The following DAB1 variants were observed in gnomAD, a reference collection of about 807,000 sequenced individuals.
The protein encoded by DAB1 is DAB adaptor protein 1.
A neutral mutation model predicts 64.6 loss-of-function variants in DAB1; 15 were observed. The ratio of observed to expected loss-of-function variants is 0.23; its 90% CI spans 0.16 to 0.36. The LOEUF is 0.36. Ranked by LOEUF, DAB1 falls within the 10% of genes least tolerant of loss-of-function variation. The pLI is 1.00. For missense variants in DAB1, 596 were observed against 706.7 expected, an observed-to-expected ratio of 0.84 and a Z score of 1.78; for synonymous variants, 235 against 251.9, an observed-to-expected ratio of 0.93 and a Z score of 0.64.
chr1:57,870,294 A>G (rs1643918444), intron 1 of DAB1, among the ~76,000 whole-genome samples: 1 of 152,146 alleles, frequency 6.6e-6, no homozygotes, highest in African/African-American at 2.4e-5. Flanking sequence ...GTGCCAACAC[A>G]TCTTCAGCCT....
At chr1:57,067,303 G>A (rs1651011256) in intron 8 of DAB1, among the ~76,000 whole-genome samples, 1 of 152,080 alleles carries the variant, frequency 6.6e-6, no homozygotes, top group Non-Finnish European at 1.5e-5. Context: ...GTGAAACTCA[G>A]AATCAGGGGA....
intron 6 of DAB1, among the ~76,000 whole-genome samples, chr1:57,716,051 AG>A (rs1647080197): frequency 6.6e-6 from 1 of 152,162 alleles, no homozygotes; most frequent in Admixed American, 6.5e-5. Flanking sequence ...CTGGGATTAC[AG>A]GCACCTGCCA....
At chr1:58,022,244 C>A (rs976083350) in intron 5 of DAB1, among the ~76,000 whole-genome samples, 1 of 152,228 alleles carries the variant, frequency 6.6e-6, no homozygotes, top group Non-Finnish European at 1.5e-5. Context: ...GACCTCCAAG[C>A]TTCATGAGCT....
chr1:57,806,620 G>C (rs1487306404), intron 6 of DAB1, among the ~76,000 whole-genome samples: 1 of 152,142 alleles, frequency 6.6e-6, no homozygotes, highest in Admixed American at 6.5e-5. Context: ...CATTTCTGTT[G>C]TTTAAGCTGC....
At chr1:58,520,625 A>G (rs1312123328) in intron 2 of DAB1, among the ~76,000 whole-genome samples, 1 of 152,178 alleles carries the variant, frequency 6.6e-6, no homozygotes, top group Non-Finnish European at 1.5e-5. Context: ...CAGAATATTA[A>G]AGATTTACCA....
chr1:58,520,433 G>C (rs1646244340), intron 2 of DAB1, among the ~76,000 whole-genome samples: 1 of 151,902 alleles, frequency 6.6e-6, no homozygotes, highest in Non-Finnish European at 1.5e-5. Context: ...AATTCACAAA[G>C]GAATATAAAT....
chr1:57,839,844 C>G lies in DAB1; in HGVS notation n.88-13389G>C, dbSNP rs1042363506. 4.6e-5 allele frequency among the ~76,000 whole-genome samples: 7 copies of G among 152,184 alleles called. No homozygotes were observed. In the South Asian group the frequency reaches 1.5e-3, roughly 32 times the overall value. Reference sequence around the variant, plus strand: ...CATTTTACCAGGCAAGAGACAGCCACTGGGAAAAGTAAGATCCCAGCCTTT... The same window carrying G: ...CATTTTACCAGGCAAGAGACAGCCAGTGGGAAAAGTAAGATCCCAGCCTTT... On this transcript the variant is annotated intron_variant and non_coding_transcript_variant, in intron 1 of 1. Transcript: ENST00000477280.
At chr1:57,055,378 A>G (rs1228502075) in intron 9 of DAB1, among the ~76,000 whole-genome samples, 1 of 152,218 alleles carries the variant, frequency 6.6e-6, no homozygotes, top group Non-Finnish European at 1.5e-5. Context: ...AAAAGCATCC[A>G]AATGTGTTAT....
At chr1:58,146,733 C>A (rs1396041046) in intron 5 of DAB1, among the ~76,000 whole-genome samples, 10 of 151,698 alleles carry the variant, frequency 6.6e-5, no homozygotes, top group Non-Finnish European at 1.3e-4. Context: ...ACAGAATATT[C>A]TATTATAAAT....
intron 2 of DAB1, among the ~76,000 whole-genome samples, chr1:57,234,992 T>A (rs111883790): frequency 6.6e-6 from 1 of 152,236 alleles, no homozygotes; most frequent in Non-Finnish European, 1.5e-5. Context: ...TTGAAGGACC[T>A]ACGTGATTAG....
chr1:57,937,376 C>T (rs1422437553), intron 5 of DAB1, among the ~76,000 whole-genome samples: 1 of 151,972 alleles, frequency 6.6e-6, no homozygotes, highest in Non-Finnish European at 1.5e-5. Context: ...ACATTTTTTA[C>T]TAGACGATGA....
chr1:57,157,582 GA>G (rs1660353660), intron 2 of DAB1, among the ~76,000 whole-genome samples: 1 of 118,806 alleles, frequency 8.4e-6, no homozygotes, highest in Non-Finnish European at 1.8e-5. Context: ...GAGAGAGAGA[GA>G]GAGAGAGAGA....
In DAB1 at chr1:58,446,050, C is replaced by T. The variant is rs1002570780; in HGVS notation, n.257+60010G>A. On this transcript the variant is annotated intron_variant and non_coding_transcript_variant, in intron 3 of 20. Coordinates refer to the DAB1 transcript ENST00000485760. ...ACCCATCACAGGACATCCCCGGTCCCGGACAACCAGCATGGCTTCCCTGGT... is the reference window on the plus strand; with the variant it reads ...ACCCATCACAGGACATCCCCGGTCCTGGACAACCAGCATGGCTTCCCTGGT... Among the ~76,000 whole-genome samples the T allele has an allele frequency of 3.5e-4, 54 of 152,278 alleles. 1 individual carries two copies. Among genetic ancestry groups the T allele is most frequent in the Middle Eastern group, 3.4e-3 (1 of 294 alleles).
At chr1:58,371,332 C>T (rs1339817836) in intron 3 of DAB1, among the ~76,000 whole-genome samples, 1 of 152,160 alleles carries the variant, frequency 6.6e-6, no homozygotes, top group Non-Finnish European at 1.5e-5. Context: ...ATTAGGGTAT[C>T]TGGCAGACTG....
At chr1:58,387,424 A>G (rs1644441587) in intron 3 of DAB1, among the ~76,000 whole-genome samples, 1 of 152,292 alleles carries the variant, frequency 6.6e-6, no homozygotes, top group African/African-American at 2.4e-5. Flanking sequence ...GGGGTATAGG[A>G]GTGAGTGATT....
chr1:57,409,759 A>T lies in DAB1; in HGVS notation c.-137+14171T>A, dbSNP rs562676309. On this transcript the variant is annotated intron_variant, in intron 1 of 14. Coordinates refer to ENST00000371236, the MANE Select transcript of DAB1 (RefSeq NM_001365792.1). ...AGGAGGTAGAGGTTGCAGTGAGCTGAGATTGTGCCACTACACTCCAGCCTG... is the reference window on the plus strand; with the variant it reads ...AGGAGGTAGAGGTTGCAGTGAGCTGTGATTGTGCCACTACACTCCAGCCTG... 2.0e-5 allele frequency among the ~76,000 whole-genome samples: 3 copies of T among 152,306 alleles called. No individual in the cohort carries two copies. The East Asian group carries it at 5.8e-4, about 29-fold the overall frequency.
In DAB1 at chr1:57,909,306, C is replaced by G. The variant is rs1256887702; in HGVS notation, n.388-25144G>C. On this transcript the variant is annotated intron_variant and non_coding_transcript_variant, in intron 5 of 20. Coordinates refer to the DAB1 transcript ENST00000485760. ...TCTTTAAGGTTTCTCCTAGCATGCC[C>G]ATTCCCAACTGATCATGCCCCAGAG... is the stretch of plus-strand genomic sequence containing the variant. Among the ~76,000 whole-genome samples the G allele has an allele frequency of 2.0e-5, 3 of 152,178 alleles. No individual in the cohort carries two copies. In the East Asian group the frequency reaches 5.8e-4, roughly 29 times the overall value.
chr1:57,274,884 ATTTT>A (rs3042300), intron 2 of DAB1, among the ~76,000 whole-genome samples: 10 of 146,900 alleles, frequency 6.8e-5, no homozygotes, highest in Non-Finnish European at 9.0e-5. Flanking sequence ...GCTCAGCCAA[ATTTT>A]TTTTTTTTTT....
chr1:57,737,293 G>T (rs1298006088), intron 6 of DAB1, among the ~76,000 whole-genome samples: 5 of 152,182 alleles, frequency 3.3e-5, no homozygotes, highest in Non-Finnish European at 7.3e-5. Context: ...TGTGGTCAGG[G>T]TGTAGAATGG....
Sources: gnomAD v4.1 joint callset for allele counts (sites outside exome capture counted in the v4.1 genomes callset) on GRCh38, gnomAD v4.1.1 for gene constraint, MANE v1.5 for transcripts, NCBI Gene and HGNC (gene_info 2026-07-23, HGNC 2026-07-21) for gene names.